The following CPXM2 variants were observed in gnomAD, a reference collection of about 807,000 sequenced individuals.
CPXM2 encodes the protein carboxypeptidase X, M14 family member 2.
A neutral mutation model predicts 86.1 loss-of-function variants in CPXM2; 66 were observed. The ratio of observed to expected loss-of-function variants is 0.77; its 90% CI spans 0.63 to 0.94. The LOEUF is 0.94. CPXM2 is among the 40% of genes least tolerant of loss of function. CPXM2 has a pLI of 0.00. For synonymous variants in CPXM2, 388 were observed against 400.2 expected (o/e 0.97, Z 0.36); for missense variants, 948 against 1,026.3 (o/e 0.92, Z 1.04).
At chr10:123,871,022 C>T (rs1944887495) in intron 2 of CPXM2, among the ~76,000 whole-genome samples, 2 of 152,206 alleles carry the variant, frequency 1.3e-5, no homozygotes, top group Admixed American at 1.3e-4. Flanking sequence ...CTCAAAGAAT[C>T]GGGTTCCAGC....
intron 2 of CPXM2, among the ~76,000 whole-genome samples, chr10:123,910,151 G>T (rs1056996529): frequency 6.6e-5 from 10 of 152,100 alleles, no homozygotes; most frequent in African/African-American, 2.4e-4. Context: ...CACCGAGCTG[G>T]CCCACCTGCA....
intron 3 of CPXM2, chr10:123,843,145 T>G: frequency 6.0e-6 from 2 of 331,556 alleles, no homozygotes; most frequent in South Asian, 2.5e-5. Context: ...AGAGATGGAG[T>G]CTTGGTATGT....
intron 8 of CPXM2, among the ~76,000 whole-genome samples, chr10:123,769,904 A>G (rs561820795): frequency 6.6e-6 from 1 of 152,218 alleles, no homozygotes; most frequent in Non-Finnish European, 1.5e-5. Context: ...CTGACAACAC[A>G]TCTCCTTCCC....
At chr10:123,849,437 CTTT>C (rs11317738) in intron 3 of CPXM2, among the ~76,000 whole-genome samples, 2 of 110,172 alleles carry the variant, frequency 1.8e-5, no homozygotes, top group Admixed American at 1.0e-4. Flanking sequence ...AACGTTCACT[CTTT>C]TTTTTTTTTT....
chr10:123,791,045 G>A (rs538128841), intron 6 of CPXM2, among the ~76,000 whole-genome samples: 8 of 152,256 alleles, frequency 5.3e-5, no homozygotes, highest in Admixed American at 2.0e-4. Context: ...GGACAGTCAC[G>A]AGTGTGTGCC....
At chr10:123,765,377 A>G (rs984398656) in intron 10 of CPXM2, among the ~76,000 whole-genome samples, 4 of 152,244 alleles carry the variant, frequency 2.6e-5, no homozygotes, top group Non-Finnish European at 4.4e-5. Context: ...TCAAATAACT[A>G]AATTCTAGTC....
intron 3 of CPXM2, among the ~76,000 whole-genome samples, chr10:123,850,520 C>A (rs867858677): frequency 4.7e-5 from 7 of 150,364 alleles, no homozygotes; most frequent in Non-Finnish European, 8.9e-5. Flanking sequence ...CTTTGTCTGG[C>A]GATCCACACT....
intron 13 of CPXM2, chr10:123,752,003 C>A: frequency 2.0e-6 from 2 of 985,402 alleles, no homozygotes; most frequent in Non-Finnish European, 1.2e-6. Flanking sequence ...TTTTATCTCC[C>A]ACTCAGTTCA....
chr10:123,827,894 T>C (rs1848081167), intron 4 of CPXM2, among the ~76,000 whole-genome samples: 1 of 152,144 alleles, frequency 6.6e-6, no homozygotes, highest in Non-Finnish European at 1.5e-5. Context: ...GTGGGCAAGG[T>C]GGCTCACACC....
At chr10:123,920,198 T>G (rs72631126) in intron 2 of CPXM2, among the ~76,000 whole-genome samples, 3,062 of 152,310 alleles carry the variant, frequency 0.02, 84 homozygotes, top group East Asian at 0.094. Context: ...TCAGTGTCAT[T>G]TCTTATTAAA....
intron 13 of CPXM2, among the ~76,000 whole-genome samples, chr10:123,748,629 C>A (rs544743891): frequency 1.3e-5 from 2 of 151,846 alleles, no homozygotes; most frequent in Non-Finnish European, 1.5e-5. Context: ...CTCAGGTGGG[C>A]GGCTCCCTGG....
Position 123,842,354 on chromosome 10 carries a change from G to A in CPXM2, c.648C>T (p.Leu216=), listed in dbSNP as rs1848403379. Residue 216 remains leucine (L), a synonymous_variant, in exon 4 of 14, where the codon CTC becomes CTT. Transcript: ENST00000241305. ...ATATGTCCAGGTACACTCACAGCCA[G>A]AGGGAGTTCCTCCCTTGAGTGATGA... The part of the protein sequence containing the change: ...TGVITQGRNS[L]WLSDWVTSYK... 8 of 1,614,244 alleles carry A rather than the reference G, an allele frequency of 5.0e-6. No homozygotes were observed. The East Asian group carries it at 1.6e-4, about 31-fold the overall frequency.
At chr10:123,935,882 C>T (rs549002039) in intron 2 of CPXM2, among the ~76,000 whole-genome samples, 7 of 150,826 alleles carry the variant, frequency 4.6e-5, no homozygotes, top group African/African-American at 1.7e-4. Flanking sequence ...CCATCCTTAC[C>T]ATCATCACCA....
intron 3 of CPXM2, among the ~76,000 whole-genome samples, chr10:123,861,353 T>C (rs1193949506): frequency 6.6e-6 from 1 of 152,000 alleles, no homozygotes; most frequent in African/African-American, 2.4e-5. Context: ...CACAGGACGG[T>C]AGAGATCAAG....
At chr10:123,912,161 G>A (rs1945494214) in intron 2 of CPXM2, among the ~76,000 whole-genome samples, 1 of 152,024 alleles carries the variant, frequency 6.6e-6, no homozygotes, top group Admixed American at 6.5e-5. Flanking sequence ...TCGGTTTCAG[G>A]TGTTTTCTCT....
At position 123,761,853 on chromosome 10, in the gene CPXM2, C is replaced by T. The variant is rs1454827197; in HGVS notation, c.1777+19G>A. The T allele has an allele frequency of 6.2e-7, 1 of 1,609,360 alleles. No homozygotes were observed. Among genetic ancestry groups the T allele is most frequent in the African/African-American group, 1.3e-5 (1 of 74,938 alleles). ...TCCTCCTGCGCCCGCAGCCCACTCT[C>T]CCCCAGAGGGAGGCTTACTTCCAGC... On this transcript the variant is annotated intron_variant, in intron 11 of 13. Coordinates refer to ENST00000241305, the MANE Select transcript of CPXM2 (RefSeq NM_198148.3).
At chr10:123,864,098 C>T (rs1012344069) in intron 2 of CPXM2, among the ~76,000 whole-genome samples, 3 of 152,158 alleles carry the variant, frequency 2.0e-5, no homozygotes, top group Admixed American at 6.5e-5. Context: ...GGGGTTGCTG[C>T]CCTGCTGTGC....
In CPXM2 at chr10:123,903,763, C is replaced by A. The variant is rs564106806; in HGVS notation, n.175-23454G>T. On this transcript the variant is annotated intron_variant and non_coding_transcript_variant, in intron 2 of 19. Coordinates refer to the CPXM2 transcript ENST00000368854. ...GGCACAGTCACTTGAAATTTTACAA[C>A]AGATCTCGTTCTCAAAGGAGGAAAA... Among the ~76,000 whole-genome samples the A allele has an allele frequency of 1.8e-4, 28 of 152,356 alleles. 1 individual carries two copies. Among genetic ancestry groups the A allele is most frequent in the African/African-American group, 6.7e-4 (28 of 41,584 alleles).
chr10:123,899,613 T>G (rs1945365432), intron 2 of CPXM2, among the ~76,000 whole-genome samples: 1 of 152,150 alleles, frequency 6.6e-6, no homozygotes, highest in South Asian at 2.1e-4. Context: ...GCCCAGAAAT[T>G]TGAGACCAGC....
Sources: allele counts gnomAD v4.1 joint callset (sites outside exome capture counted in the v4.1 genomes callset), GRCh38; gene constraint gnomAD v4.1.1; transcripts MANE v1.5; gene names NCBI Gene and HGNC (gene_info 2026-07-23, HGNC 2026-07-21).